The following KCNH7 variants were observed in gnomAD, a reference collection of about 807,000 sequenced individuals.
KCNH7 encodes potassium voltage-gated channel subfamily H member 7.
Under a neutral mutation model 120.8 loss-of-function variants are expected in KCNH7, and 49 were observed. The observed-to-expected ratio is 0.41, with a 90% CI of 0.32 to 0.51. The LOEUF is 0.51. Among genes scored for constraint, KCNH7 ranks in the 20% least tolerant of loss-of-function variants. The pLI, the probability that KCNH7 is intolerant of heterozygous loss-of-function variation, is 0.38. For synonymous variants in KCNH7, 547 were observed against 516.1 expected, an observed-to-expected ratio of 1.06 and a Z score of -0.81; for missense variants, 1,097 against 1,446.6, an observed-to-expected ratio of 0.76 and a Z score of 3.92.
chr2:162,433,932 T>C (rs968988055), intron 8 of KCNH7, among the ~76,000 whole-genome samples: 1 of 152,070 alleles, frequency 6.6e-6, no homozygotes, highest in Non-Finnish European at 1.5e-5. Context: ...TGTACTTATA[T>C]GTTCATTGCA....
chr2:162,627,201 A>G (rs1683591522), intron 2 of KCNH7, among the ~76,000 whole-genome samples: 1 of 152,108 alleles, frequency 6.6e-6, no homozygotes, highest in East Asian at 1.9e-4. Context: ...TGCATGCTAG[A>G]TTTACTTAGG....
intron 2 of KCNH7, among the ~76,000 whole-genome samples, chr2:162,601,612 T>C (rs1032469663): frequency 3.3e-5 from 5 of 151,884 alleles, no homozygotes; most frequent in African/African-American, 1.2e-4. Context: ...CTTGTCTTCT[T>C]TGAAGGTTAA....
At chr2:162,752,931 A>T (rs547872943) in intron 2 of KCNH7, among the ~76,000 whole-genome samples, 1 of 86,380 alleles carries the variant, frequency 1.2e-5, no homozygotes, top group Non-Finnish European at 2.0e-5. Context: ...AAGAAAAGAA[A>T]AGAAAAGAAA....
At chr2:162,823,930 G>A (rs1393486703) in intron 2 of KCNH7, among the ~76,000 whole-genome samples, 2 of 151,418 alleles carry the variant, frequency 1.3e-5, no homozygotes, top group African/African-American at 4.8e-5. Context: ...AAGTACCTAT[G>A]AAAATACTTT....
At chr2:162,452,471 G>A (rs532226483) in intron 6 of KCNH7, among the ~76,000 whole-genome samples, 1 of 152,130 alleles carries the variant, frequency 6.6e-6, no homozygotes, top group South Asian at 2.1e-4. Flanking sequence ...TGCATATCTA[G>A]TTCATATTAT....
intron 4 of KCNH7, 135 bp from the exon 5 acceptor site, chr2:162,512,809 T>G (rs1347722132): frequency 1.5e-6 from 1 of 660,346 alleles, no homozygotes; most frequent in African/African-American, 1.8e-5. Flanking sequence ...TTAATTGAAA[T>G]TAACATTTTG....
intron 2 of KCNH7, among the ~76,000 whole-genome samples, chr2:162,715,952 G>GTGTGTC (rs1687105376): frequency 6.8e-6 from 1 of 147,540 alleles, no homozygotes. Context: ...GTCTTTGTGT[G>GTGTGTC]TGTGTGTGTG....
At chr2:162,570,280 T>C (rs1006733508) in intron 2 of KCNH7, among the ~76,000 whole-genome samples, 10 of 151,278 alleles carry the variant, frequency 6.6e-5, no homozygotes, top group African/African-American at 2.4e-4. Flanking sequence ...TTTACCATTA[T>C]GTAATGGCCT....
chr2:162,383,845 G>A (rs968655216), intron 13 of KCNH7, among the ~76,000 whole-genome samples: 2 of 151,668 alleles, frequency 1.3e-5, no homozygotes, highest in Admixed American at 6.6e-5. Context: ...TAACCTCGTT[G>A]GTTAGATAAT....
At chr2:162,719,614 GT>G (rs1343901017) in intron 2 of KCNH7, among the ~76,000 whole-genome samples, 5 of 152,008 alleles carry the variant, frequency 3.3e-5, no homozygotes, top group African/African-American at 4.8e-5. Context: ...AGGAAAACCA[GT>G]TTTAAACAGA....
chr2:162,492,660 C>G lies in KCNH7; in HGVS notation c.1128+11783G>C, dbSNP rs147916880. Among the ~76,000 whole-genome samples, 4 of 152,132 alleles carry G rather than the reference C, an allele frequency of 2.6e-5. No homozygotes were observed. The East Asian group carries it at 7.7e-4, about 29-fold the overall frequency. On this transcript the variant is annotated intron_variant, in intron 6 of 15. Coordinates refer to ENST00000332142, the MANE Select transcript of KCNH7 (RefSeq NM_033272.4). The stretch of plus-strand genomic sequence containing the variant: ...TTGAACACTAAGGTTAAGTCATAAC[C>G]TTAGTTGAGGCTTATTGGCTTCACC...
chr2:162,549,017 C>T (rs1361230830), intron 2 of KCNH7, among the ~76,000 whole-genome samples: 1 of 152,136 alleles, frequency 6.6e-6, no homozygotes, highest in Non-Finnish European at 1.5e-5. Context: ...AACCATTTCC[C>T]TTTTGAACAT....
At chr2:162,566,222 C>G (rs1365418657) in intron 2 of KCNH7, among the ~76,000 whole-genome samples, 1 of 152,026 alleles carries the variant, frequency 6.6e-6, no homozygotes, top group Non-Finnish European at 1.5e-5. Context: ...TTTCCATCAT[C>G]ATTCATGGAG....
intron 2 of KCNH7, among the ~76,000 whole-genome samples, chr2:162,722,815 T>C (rs199710282): frequency 2.2e-5 from 3 of 138,708 alleles, no homozygotes; most frequent in Admixed American, 7.2e-5. Context: ...CTTTTTTTCT[T>C]TTTTTTTTTT....
intron 2 of KCNH7, among the ~76,000 whole-genome samples, chr2:162,833,972 A>T (rs986596678): frequency 1.3e-5 from 2 of 152,166 alleles, no homozygotes; most frequent in East Asian, 3.8e-4. Context: ...CAAAAGAAGC[A>T]TTTACTGTAT....
intron 2 of KCNH7, among the ~76,000 whole-genome samples, chr2:162,782,385 G>A (rs1367461130): frequency 6.6e-6 from 1 of 152,144 alleles, no homozygotes; most frequent in Non-Finnish European, 1.5e-5. Context: ...GACATTTGAA[G>A]AAAGACCAGA....
chr2:162,625,978 G>A (rs1683540700), intron 2 of KCNH7, among the ~76,000 whole-genome samples: 2 of 152,130 alleles, frequency 1.3e-5, no homozygotes, highest in Admixed American at 1.3e-4. Context: ...TCACCTCAAT[G>A]TGATATTGCC....
chr2:162,725,635 C>A lies in KCNH7; in HGVS notation c.307+110902G>T, dbSNP rs566768111. Among the ~76,000 whole-genome samples, 3 of 152,228 alleles carry A rather than the reference C, an allele frequency of 2.0e-5. No individual in the cohort carries two copies. The East Asian group carries it at 5.8e-4, about 29-fold the overall frequency. On this transcript the variant is annotated intron_variant, in intron 2 of 15. Coordinates refer to ENST00000332142, the MANE Select transcript of KCNH7 (RefSeq NM_033272.4). ...AGACCATCAAAAGGGAGAAGGCAAG[C>A]TTTTGTTTTATTTTGTTTTGTTTCT...
chr2:162,572,790 C>A (rs113449532), intron 2 of KCNH7, among the ~76,000 whole-genome samples: 1 of 145,382 alleles, frequency 6.9e-6, no homozygotes, highest in African/African-American at 2.6e-5. Flanking sequence ...AGTAAACTAC[C>A]ACAAGAACAA....
Sources: gnomAD v4.1 joint callset for allele counts (sites outside exome capture counted in the v4.1 genomes callset) on GRCh38, gnomAD v4.1.1 for gene constraint, MANE v1.5 for transcripts, NCBI Gene and HGNC (gene_info 2026-07-23, HGNC 2026-07-21) for gene names.